RIMS2: variants seen among roughly 807,000 people sequenced by gnomAD.
RIMS2 encodes regulating synaptic membrane exocytosis protein 2.
RIMS2 carries 59 observed loss-of-function variants against 174.4 expected under a neutral mutation model. The ratio of observed to expected loss-of-function variants is 0.34; its 90% confidence interval spans 0.27 to 0.42. The LOEUF is 0.42. Ranked by LOEUF, RIMS2 falls within the 10% of genes least tolerant of loss-of-function variation. The pLI is 1.00. For synonymous variants in RIMS2, 606 were observed against 572.5 expected (o/e 1.06, Z -0.84); for missense variants, 1,620 against 1,666.3 (o/e 0.97, Z 0.48).
At chr8:103,714,414 T>C (rs1186317174) in intron 2 of RIMS2, among the ~76,000 whole-genome samples, 2 of 152,084 alleles carry the variant, frequency 1.3e-5, no homozygotes, top group Admixed American at 1.3e-4. Context: ...AGAGAGAATA[T>C]TGTAGTGGTG....
chr8:104,103,250 T>C (rs753396202), intron 19 of RIMS2, among the ~76,000 whole-genome samples: 3 of 152,194 alleles, frequency 2.0e-5, no homozygotes, highest in Non-Finnish European at 4.4e-5. Flanking sequence ...GGAGAATGAC[T>C]ACTAATAGAT....
chr8:103,633,424 G>T (rs1272206675), intron 1 of RIMS2, among the ~76,000 whole-genome samples: 1 of 152,042 alleles, frequency 6.6e-6, no homozygotes, highest in Non-Finnish European at 1.5e-5. Flanking sequence ...TTTTTGTTGT[G>T]CTGCTGGATT....
At chr8:103,702,209 C>G (rs2097175199) in intron 2 of RIMS2, among the ~76,000 whole-genome samples, 1 of 151,846 alleles carries the variant, frequency 6.6e-6, no homozygotes, top group Non-Finnish European at 1.5e-5. Context: ...TTTTCATATA[C>G]CTGTTGGATA....
At chr8:103,578,957 T>G (rs2132686819) in intron 1 of RIMS2, among the ~76,000 whole-genome samples, 1 of 151,072 alleles carries the variant, frequency 6.6e-6, no homozygotes, top group East Asian at 1.9e-4. Flanking sequence ...ACCATTGCAC[T>G]GCAGCCTGGA....
intron 4 of RIMS2, among the ~76,000 whole-genome samples, chr8:103,888,248 A>C (rs1379918772): frequency 6.6e-6 from 1 of 151,576 alleles, no homozygotes; most frequent in South Asian, 2.1e-4. Flanking sequence ...ATGCATATGA[A>C]GTTTTAAAAA....
At chr8:103,598,043 G>A (rs2160715) in intron 1 of RIMS2, among the ~76,000 whole-genome samples, 27,714 of 152,096 alleles carry the variant, frequency 0.18, 2,774 homozygotes, top group African/African-American at 0.26. Flanking sequence ...GTAATTGTAT[G>A]TAAGATATAC....
At chr8:103,772,465 A>G (rs1227135095) in intron 3 of RIMS2, among the ~76,000 whole-genome samples, 1 of 152,116 alleles carries the variant, frequency 6.6e-6, no homozygotes, top group Non-Finnish European at 1.5e-5. Flanking sequence ...CAAAATATGT[A>G]CAAGGTCCAT....
intron 1 of RIMS2, among the ~76,000 whole-genome samples, chr8:103,585,288 G>A (rs1327644804): frequency 6.6e-6 from 1 of 152,160 alleles, no homozygotes; most frequent in African/African-American, 2.4e-5. Flanking sequence ...TACACTGTTG[G>A]TGGGAGTGTA....
chr8:104,125,414 T>C (rs1172276354), intron 19 of RIMS2, among the ~76,000 whole-genome samples: 1 of 152,182 alleles, frequency 6.6e-6, no homozygotes, highest in Non-Finnish European at 1.5e-5. Context: ...ATAGTACTTA[T>C]ATCAGATTCT....
chr8:103,761,393 C>T (rs954930086), intron 2 of RIMS2, among the ~76,000 whole-genome samples: 1 of 152,238 alleles, frequency 6.6e-6, no homozygotes, highest in Non-Finnish European at 1.5e-5. Flanking sequence ...CTTTAAAGCT[C>T]AACTTAGTAG....
At chr8:104,087,481 G>A (rs2154564143) in intron 19 of RIMS2, among the ~76,000 whole-genome samples, 1 of 152,200 alleles carries the variant, frequency 6.6e-6, no homozygotes, top group Non-Finnish European at 1.5e-5. Context: ...AACATTCGAA[G>A]CAGTGCTTCT....
At chr8:103,938,372 A>G (rs1009445258) in intron 13 of RIMS2, among the ~76,000 whole-genome samples, 2 of 152,126 alleles carry the variant, frequency 1.3e-5, no homozygotes, top group Non-Finnish European at 1.5e-5. Flanking sequence ...GAGATTGTGC[A>G]GGGGAACTCC....
At chr8:103,527,202 A>T (rs929089562) in intron 1 of RIMS2, among the ~76,000 whole-genome samples, 4 of 152,218 alleles carry the variant, frequency 2.6e-5, no homozygotes, top group African/African-American at 7.2e-5. Flanking sequence ...TATCAGACAT[A>T]TAAAGCCAGA....
intron 1 of RIMS2, among the ~76,000 whole-genome samples, chr8:103,523,407 TG>T (rs1410899318): frequency 6.6e-6 from 1 of 151,894 alleles, no homozygotes; most frequent in Non-Finnish European, 1.5e-5. Context: ...TGTGTGTGTC[TG>T]TGTGTGTGTG....
At chr8:104,103,488 G>A (rs1271849828) in intron 19 of RIMS2, among the ~76,000 whole-genome samples, 1 of 152,124 alleles carries the variant, frequency 6.6e-6, no homozygotes, top group Non-Finnish European at 1.5e-5. Flanking sequence ...CTTTAGAGGT[G>A]ATAATATGCA....
chr8:103,975,468 G>A (rs1042706393), exon 16 of RIMS2: 2 of 1,613,344 alleles, frequency 1.2e-6, no homozygotes, highest in Non-Finnish European at 1.7e-6. Flanking sequence ...TTATAGGAAG[G>A]ACTAGATCAT....
At chr8:104,201,802 G>A (rs1344492024) in intron 19 of RIMS2, among the ~76,000 whole-genome samples, 1 of 152,076 alleles carries the variant, frequency 6.6e-6, no homozygotes, top group African/African-American at 2.4e-5. Context: ...AATAGAATTT[G>A]TAATGATTTA....
chr8:103,943,863 G>A (rs1185595838), intron 14 of RIMS2, among the ~76,000 whole-genome samples: 1 of 152,046 alleles, frequency 6.6e-6, no homozygotes, highest in Non-Finnish European at 1.5e-5. Flanking sequence ...CCAAATTTTA[G>A]AAGTATAAAT....
intron 1 of RIMS2, among the ~76,000 whole-genome samples, chr8:103,585,397 A>C (rs1332074284): frequency 6.7e-6 from 1 of 148,890 alleles, no homozygotes; most frequent in Non-Finnish European, 1.5e-5. Flanking sequence ...TACCCAAAGG[A>C]TTAGAAATCA....
Sources: allele counts gnomAD v4.1 joint callset (sites outside exome capture counted in the v4.1 genomes callset), GRCh38; gene constraint gnomAD v4.1.1; transcripts MANE v1.5; gene names NCBI Gene and HGNC (gene_info 2026-07-23, HGNC 2026-07-21).